Variants in CADPS observed in about 807,000 individuals in gnomAD.
The protein encoded by CADPS is calcium-dependent secretion activator 1.
In CADPS, 57 loss-of-function variants were observed where a neutral mutation model predicts 167.3. That is an observed-to-expected ratio of 0.34 (90% CI 0.28 to 0.42). The LOEUF is 0.42. CADPS is among the 20% of genes least tolerant of loss of function. CADPS has a pLI of 1.00. For missense variants in CADPS, 1,414 were observed against 1,738.1 expected (o/e 0.81, Z 3.32); for synonymous variants, 676 against 635.3 (o/e 1.06, Z -0.96).
At chr3:62,595,444 A>C (rs2058770899) in intron 6 of CADPS, among the ~76,000 whole-genome samples, 1 of 152,086 alleles carries the variant, frequency 6.6e-6, no homozygotes, top group African/African-American at 2.4e-5. Context: ...CAAACTATGA[A>C]ATTTGGGGCA....
At chr3:62,571,788 T>A (rs1456747263) in intron 8 of CADPS, among the ~76,000 whole-genome samples, 2 of 152,140 alleles carry the variant, frequency 1.3e-5, no homozygotes, top group Non-Finnish European at 2.9e-5. Context: ...GGTCTCGAAC[T>A]CCCAACCTCA....
At chr3:62,525,212 G>C (rs148548499) in intron 13 of CADPS, among the ~76,000 whole-genome samples, 1 of 152,090 alleles carries the variant, frequency 6.6e-6, no homozygotes, top group African/African-American at 2.4e-5. Context: ...TTCATGTCTC[G>C]ATGGGAGAAT....
intron 3 of CADPS, among the ~76,000 whole-genome samples, chr3:62,701,057 A>G (rs1378393008): frequency 2.6e-5 from 4 of 152,022 alleles, no homozygotes; most frequent in Non-Finnish European, 5.9e-5. Flanking sequence ...CACCAATCCC[A>G]TTCATGAGGG....
intron 21 of CADPS, among the ~76,000 whole-genome samples, chr3:62,489,224 G>A (rs2063313874): frequency 1.3e-5 from 2 of 151,906 alleles, no homozygotes; most frequent in Admixed American, 6.6e-5. Flanking sequence ...GCAGTGGAGC[G>A]ATCTCGGCTC....
In CADPS at chr3:62,601,295, G is replaced by C. The variant is rs1028084747; in HGVS notation, c.1326-8547C>G. Among the ~76,000 whole-genome samples, 3 of 151,996 alleles carry C rather than the reference G, an allele frequency of 2.0e-5. No homozygotes were observed. The highest frequency in any genetic ancestry group is 2.0e-4 in the Admixed American group (3 of 15,256). ...TAGTTAGCTTACTCATTTTTGTTTT[G>C]TCTATGGCTTCTTTTGTGCAGCAAT... On this transcript the variant is annotated intron_variant, in intron 6 of 29. Coordinates refer to ENST00000383710, the MANE Select transcript of CADPS (RefSeq NM_003716.4). This position sits in a 1 kb window ranked among gnomAD's most constrained non-coding sequence, Gnocchi z 4.3.
rs1025353624 is a variant in CADPS, at chr3:62,420,117, A to C, written c.3778-16932T>G. 2.6e-5 allele frequency among the ~76,000 whole-genome samples: 4 copies of C among 152,340 alleles called. No homozygotes were observed. The East Asian group carries it at 7.7e-4, about 29-fold the overall frequency. ...ATTACATGGAAAAAAATTCAGGTGA[A>C]TAGGTAAATGGAATGCTTTACATTA... is the stretch of plus-strand genomic sequence containing the variant. On this transcript the variant is annotated intron_variant, in intron 28 of 29. Coordinates refer to ENST00000383710, the MANE Select transcript of CADPS (RefSeq NM_003716.4). This position sits in a 1 kb window ranked among gnomAD's most constrained non-coding sequence, Gnocchi z 4.1.
At position 62,438,451 on chromosome 3, in the gene CADPS, A is replaced by G. The variant is rs1254389143; in HGVS notation, c.3670-240T>C. On this transcript the variant is annotated intron_variant, in intron 27 of 29. Transcript: ENST00000383710. The surrounding 1 kb of genome is among the most constrained non-coding windows in gnomAD (Gnocchi z 4.7). ...GCATTGAGATTGTAGGATTTTATAA[A>G]TAGTTTTTCTATGATAAATTTTTTC... 1 of 442,532 alleles carries G rather than the reference A, an allele frequency of 2.3e-6. No homozygotes were observed. The highest frequency in any genetic ancestry group is 4.2e-5 in the East Asian group (1 of 23,772). 27.4% of individuals were successfully genotyped at this position (442,532 alleles called of 1,614,324 possible).
At chr3:62,721,747 T>C (rs752458801) in intron 3 of CADPS, among the ~76,000 whole-genome samples, 3 of 152,240 alleles carry the variant, frequency 2.0e-5, no homozygotes, top group Non-Finnish European at 4.4e-5. Flanking sequence ...CTAAAGGCTT[T>C]ATGCACATTA....
rs779974845 is a variant in CADPS at position 62,753,148 on chromosome 3, C to T, written c.888+293G>A. Among the ~76,000 whole-genome samples, 24 of 152,124 alleles carry T rather than the reference C, an allele frequency of 1.6e-4. No individual in the cohort carries two copies. The highest frequency in any genetic ancestry group is 2.6e-4 in the Non-Finnish European group (18 of 68,018). Reference sequence around the variant, plus strand: ...AAATTGATTTTTAGCACTTTTGACACGTGGAAAACAAGCCTTACTCATAGG... The same window carrying T: ...AAATTGATTTTTAGCACTTTTGACATGTGGAAAACAAGCCTTACTCATAGG... On this transcript the variant is annotated intron_variant, in intron 3 of 29. Coordinates refer to ENST00000383710, the MANE Select transcript of CADPS (RefSeq NM_003716.4). This position sits in a 1 kb window ranked among gnomAD's most constrained non-coding sequence, Gnocchi z 4.6.
In CADPS at chr3:62,438,381, T is replaced by C. The variant is rs187434849; in HGVS notation, c.3670-170A>G. ...CAGCCTGGGCTGGTAGGAATTGATA[T>C]TAGAACTGCTTCCTCTTTCCAGAAA... On this transcript the variant is annotated intron_variant, in intron 27 of 29. Coordinates refer to ENST00000383710, the MANE Select transcript of CADPS (RefSeq NM_003716.4). This position sits in a 1 kb window ranked among gnomAD's most constrained non-coding sequence, Gnocchi z 4.7. 1.4e-4 allele frequency: 78 copies of C among 555,176 alleles called. No homozygotes were observed. The highest frequency in any genetic ancestry group is 1.9e-4 in the Non-Finnish European group (58 of 308,930). 34.4% of individuals were successfully genotyped at this position (555,176 alleles called of 1,614,324 possible).
rs535171317 is a variant in CADPS at position 62,744,761 on chromosome 3, G to A, written c.888+8680C>T. Among the ~76,000 whole-genome samples the A allele has an allele frequency of 1.1e-4, 16 of 152,342 alleles. 1 individual carries two copies. The highest frequency in any genetic ancestry group is 3.1e-4 in the African/African-American group (13 of 41,582). ...CTTATGAATCCATTTTGGCAACAAA[G>A]GAAAGAGATTGCTGAAATGTCTATA... On this transcript the variant is annotated intron_variant, in intron 3 of 29. Transcript: ENST00000383710.
chr3:62,718,850 T>C (rs932706115), intron 3 of CADPS, among the ~76,000 whole-genome samples: 4 of 152,180 alleles, frequency 2.6e-5, no homozygotes. Flanking sequence ...CCTCCTTGAA[T>C]GTGAGAAGTG....
At chr3:62,683,782 T>C (rs554021044) in intron 3 of CADPS, among the ~76,000 whole-genome samples, 5 of 152,210 alleles carry the variant, frequency 3.3e-5, no homozygotes, top group African/African-American at 1.2e-4. Context: ...CTTGACAGTT[T>C]TGAGTACTGG....
At chr3:62,549,448 T>G (rs1311831114) in intron 11 of CADPS, among the ~76,000 whole-genome samples, 1 of 10,140 alleles carries the variant, frequency 9.9e-5, no homozygotes, top group Non-Finnish European at 9.8e-4. Context: ...ATGTTTTGTG[T>G]TTTTTTTTTT....
At chr3:62,731,874 G>A (rs1451751093) in intron 3 of CADPS, among the ~76,000 whole-genome samples, 4 of 143,850 alleles carry the variant, frequency 2.8e-5, no homozygotes, top group Non-Finnish European at 6.0e-5. Context: ...AGGGTAATTC[G>A]TGCTGAAAAC....
intron 1 of CADPS, among the ~76,000 whole-genome samples, chr3:62,868,761 T>A (rs1338380145): frequency 2.6e-5 from 4 of 152,164 alleles, no homozygotes; most frequent in Non-Finnish European, 1.5e-5. Flanking sequence ...TATTTTGTAA[T>A]GTAAAAACAT....
intron 3 of CADPS, among the ~76,000 whole-genome samples, chr3:62,713,608 C>CT (rs1387760045): frequency 6.6e-6 from 1 of 152,260 alleles, no homozygotes; most frequent in East Asian, 1.9e-4. Flanking sequence ...GTTAGCCCTG[C>CT]TCTGCTGCTG....
intron 6 of CADPS, among the ~76,000 whole-genome samples, chr3:62,641,756 G>C (rs1397610761): frequency 6.6e-6 from 1 of 152,120 alleles, no homozygotes; most frequent in Non-Finnish European, 1.5e-5. Context: ...AGAAATGAGA[G>C]GATATAGTCT....
intron 1 of CADPS, among the ~76,000 whole-genome samples, chr3:62,857,130 A>T (rs980263053): frequency 1.2e-4 from 18 of 152,242 alleles, no homozygotes; most frequent in African/African-American, 4.3e-4. Flanking sequence ...AATAGCTCTT[A>T]AAAACAAATA....
Sources: gnomAD v4.1 joint callset for allele counts (sites outside exome capture counted in the v4.1 genomes callset) on GRCh38, gnomAD v4.1.1 for gene constraint, Gnocchi (gnomAD v3.1) non-coding constraint, MANE v1.5 for transcripts, NCBI Gene and HGNC (gene_info 2026-07-23, HGNC 2026-07-21) for gene names.